The following HECW2 variants were observed in gnomAD, a reference collection of about 807,000 sequenced individuals.
HECW2 encodes E3 ubiquitin-protein ligase HECW2.
Under a neutral mutation model 175.2 loss-of-function variants are expected in HECW2, and 61 were observed. That is an observed-to-expected ratio of 0.35 (90% confidence interval 0.28 to 0.43). HECW2 has a LOEUF of 0.43. Ranked by LOEUF, HECW2 falls within the 20% of genes least tolerant of loss-of-function variation. HECW2 has a pLI of 1.00. For missense variants in HECW2, 1,524 were observed against 2,000.5 expected, an observed-to-expected ratio of 0.76 and a Z score of 4.54; for synonymous variants, 671 against 731.0, an observed-to-expected ratio of 0.92 and a Z score of 1.32.
At chr2:196,387,846 T>G (rs1289051598) in intron 2 of HECW2, among the ~76,000 whole-genome samples, 4 of 152,314 alleles carry the variant, frequency 2.6e-5, no homozygotes, top group African/African-American at 9.6e-5. Flanking sequence ...TCTTCCATGC[T>G]GTGACTTTGG....
At chr2:196,392,447 C>T (rs1454994709) in intron 2 of HECW2, among the ~76,000 whole-genome samples, 13 of 152,008 alleles carry the variant, frequency 8.6e-5, no homozygotes, top group Admixed American at 8.5e-4. Context: ...TAAAATGCTA[C>T]ATAGAGAAGT....
intron 1 of HECW2, among the ~76,000 whole-genome samples, chr2:196,524,470 A>G (rs1384427293): frequency 1.4e-5 from 1 of 72,268 alleles, no homozygotes; most frequent in Non-Finnish European, 2.4e-5. Context: ...TTGTGTCTCT[A>G]TTTCCTTCAG....
chr2:196,424,579 T>C (rs1341484011), intron 2 of HECW2, among the ~76,000 whole-genome samples: 5 of 152,100 alleles, frequency 3.3e-5, no homozygotes, highest in Non-Finnish European at 7.4e-5. Context: ...AGCCTTATTA[T>C]TGATATGGAG....
chr2:196,448,848 G>T (rs2125303687), intron 1 of HECW2, among the ~76,000 whole-genome samples: 2 of 152,314 alleles, frequency 1.3e-5, no homozygotes, highest in Middle Eastern at 6.8e-3. Flanking sequence ...TAGCTCTGCT[G>T]CTAGGAACCC....
At chr2:196,271,372 C>T in intron 16 of HECW2, 83 bp from the exon 17 acceptor site, 1 of 969,528 alleles carries the variant, frequency 1.0e-6, no homozygotes, top group Non-Finnish European at 1.6e-6. Flanking sequence ...CCTGTGTGCC[C>T]CACCGGGTTC....
intron 28 of HECW2, among the ~76,000 whole-genome samples, chr2:196,203,302 G>A (rs756922394): frequency 6.6e-6 from 1 of 151,994 alleles, no homozygotes. Flanking sequence ...AGACTGGAAC[G>A]CAAATTGAGC....
intron 28 of HECW2, among the ~76,000 whole-genome samples, chr2:196,204,427 T>C (rs1313002877): frequency 6.6e-6 from 1 of 152,180 alleles, no homozygotes; most frequent in African/African-American, 2.4e-5. Context: ...CTTATTAAAA[T>C]CAAGAGAGAC....
At chr2:196,552,200 G>C (rs190068947) in intron 1 of HECW2, among the ~76,000 whole-genome samples, 2 of 152,298 alleles carry the variant, frequency 1.3e-5, no homozygotes, top group East Asian at 3.9e-4. Flanking sequence ...GAGTACCAGG[G>C]AGAGATATTT....
chr2:196,494,371 C>T (rs1030216715), intron 1 of HECW2, among the ~76,000 whole-genome samples: 2 of 151,966 alleles, frequency 1.3e-5, no homozygotes, highest in Non-Finnish European at 2.9e-5. Context: ...AGGATGATAC[C>T]GAAAGGAGAA....
chr2:196,518,462 C>T (rs1575626441), intron 1 of HECW2, among the ~76,000 whole-genome samples: 1 of 151,948 alleles, frequency 6.6e-6, no homozygotes, highest in East Asian at 1.9e-4. Flanking sequence ...TCGAGACCAG[C>T]CTGGTCAACA....
intron 1 of HECW2, among the ~76,000 whole-genome samples, chr2:196,440,162 G>A (rs1408932284): frequency 1.3e-5 from 2 of 152,114 alleles, no homozygotes; most frequent in African/African-American, 4.8e-5. Context: ...TTATTATGAG[G>A]CCGGGGATAA....
chr2:196,317,155 C>A, intron 10 of HECW2, 119 bp downstream of exon 10: 1 of 760,984 alleles, frequency 1.3e-6, no homozygotes, highest in Non-Finnish European at 2.2e-6. Context: ...AAGTGGCAAC[C>A]CCCAGATTCC....
At chr2:196,320,650 T>C (rs529112869) in intron 7 of HECW2, among the ~76,000 whole-genome samples, 87 of 152,334 alleles carry the variant, frequency 5.7e-4, no homozygotes, top group African/African-American at 1.9e-3. Flanking sequence ...AAGGAAATGT[T>C]GCCATAAGAA....
At chr2:196,589,147 C>G (rs746888606) in intron 1 of HECW2, among the ~76,000 whole-genome samples, 3 of 152,056 alleles carry the variant, frequency 2.0e-5, no homozygotes, top group African/African-American at 4.8e-5. Context: ...TGCGGTGAGC[C>G]AAGATTGCAC....
intron 1 of HECW2, among the ~76,000 whole-genome samples, chr2:196,541,374 T>C (rs927527431): frequency 5.9e-5 from 9 of 152,152 alleles, no homozygotes; most frequent in Non-Finnish European, 1.5e-5. Context: ...GAAACCAAGT[T>C]AGATGCTCTG....
chr2:196,577,287 C>T (rs6729615), intron 1 of HECW2, among the ~76,000 whole-genome samples: 28,806 of 152,022 alleles, frequency 0.19, 3,123 homozygotes, highest in African/African-American at 0.3. Flanking sequence ...GCTTAAGTTT[C>T]TATTATAACT....
chr2:196,558,344 A>AT (rs1689877823), intron 1 of HECW2, among the ~76,000 whole-genome samples: 1 of 152,212 alleles, frequency 6.6e-6, no homozygotes, highest in African/African-American at 2.4e-5. Context: ...ATAAGTTAGG[A>AT]TTTTGTGCCA....
chr2:196,253,355 C>G (rs1301093830), intron 19 of HECW2, among the ~76,000 whole-genome samples: 1 of 152,204 alleles, frequency 6.6e-6, no homozygotes, highest in African/African-American at 2.4e-5. Flanking sequence ...GCATTTCCTA[C>G]CATTTGCTCA....
chr2:196,202,721 T>C (rs1315376728), intron 28 of HECW2, among the ~76,000 whole-genome samples: 1 of 152,198 alleles, frequency 6.6e-6, no homozygotes, highest in African/African-American at 2.4e-5. Flanking sequence ...AGCAGGTGTG[T>C]GGCCACATGG....
Sources: allele counts gnomAD v4.1 joint callset (sites outside exome capture counted in the v4.1 genomes callset), GRCh38; gene constraint gnomAD v4.1.1; transcripts MANE v1.5; gene names NCBI Gene and HGNC (gene_info 2026-07-23, HGNC 2026-07-21).